The following DLC1 variants were observed in gnomAD, a reference collection of about 807,000 sequenced individuals.
DLC1 encodes the protein rho GTPase-activating protein 7.
A neutral mutation model predicts 140.3 loss-of-function variants in DLC1; 54 were observed. That is an observed-to-expected ratio of 0.38 (90% CI 0.31 to 0.48). DLC1 has a LOEUF of 0.48. Among genes scored for constraint, DLC1 ranks in the 20% least tolerant of loss-of-function variants. DLC1 has a pLI of 0.96. For missense variants in DLC1, 2,536 were observed against 1,907.0 expected (o/e 1.33, Z -6.14); for synonymous variants, 986 against 728.1 (o/e 1.35, Z -5.70).
chr8:13,128,300 A>G (rs969530234), intron 5 of DLC1, among the ~76,000 whole-genome samples: 2 of 152,214 alleles, frequency 1.3e-5, no homozygotes, highest in Middle Eastern at 3.2e-3. Flanking sequence ...AACGCGGGCC[A>G]GAGTTTTAGA....
At chr8:13,573,526 G>C (rs1350227926) in intron 1 of DLC1, among the ~76,000 whole-genome samples, 1 of 152,104 alleles carries the variant, frequency 6.6e-6, no homozygotes, top group Non-Finnish European at 1.5e-5. Context: ...TCTTTGTTTT[G>C]TTCCTGATCT....
At chr8:13,397,790 G>A (rs1837115002) in intron 3 of DLC1, among the ~76,000 whole-genome samples, 1 of 151,712 alleles carries the variant, frequency 6.6e-6, no homozygotes, top group Non-Finnish European at 1.5e-5. Flanking sequence ...GAGTTATTGT[G>A]CCAGTGCACT....
chr8:13,320,217 A>G (rs1368123069), intron 4 of DLC1, among the ~76,000 whole-genome samples: 2 of 152,164 alleles, frequency 1.3e-5, no homozygotes, highest in African/African-American at 4.8e-5. Flanking sequence ...TCAAATATGA[A>G]CACTAGAATA....
chr8:13,128,238 G>C (rs375175678), intron 5 of DLC1, among the ~76,000 whole-genome samples: 2 of 152,080 alleles, frequency 1.3e-5, no homozygotes, highest in South Asian at 2.1e-4. Context: ...GTTTCCTTTA[G>C]AAATAATATT....
chr8:13,389,583 T>C (rs1264014380), intron 4 of DLC1, among the ~76,000 whole-genome samples: 2 of 152,124 alleles, frequency 1.3e-5, no homozygotes, highest in East Asian at 3.8e-4. Context: ...TTATGAAATA[T>C]ACCTCAGAAA....
rs1554546956 is a variant in DLC1, at chr8:13,579,244, G to GCATA, written c.-126+25289_-126+25292dup. ...AGGAGCTCTAATTGAGGAACAGGGA[G>GCATA]CATATATATATATATATATATATAT... On this transcript the variant is annotated intron_variant, in intron 1 of 1. Transcript: ENST00000631382. Among the ~76,000 whole-genome samples the GCATA allele has an allele frequency of 8.0e-3, 38 of 4,754 alleles. 6 individuals carry two copies. The South Asian group carries it at 0.48, about 60-fold the overall frequency. 3.1% of individuals were successfully genotyped at this position (4,754 alleles called of 152,430 possible). A position where few individuals can be genotyped will look rare whatever the true frequency, so the allele number is the denominator to read the frequency against.
chr8:13,510,774 A>G (rs773923749), intron 1 of DLC1, among the ~76,000 whole-genome samples: 31 of 152,132 alleles, frequency 2.0e-4, no homozygotes, highest in Non-Finnish European at 4.0e-4. Flanking sequence ...CTGGATGCCT[A>G]TGCTTCCTTC....
chr8:13,520,796 C>A (rs575426719), intron 1 of DLC1, among the ~76,000 whole-genome samples: 1 of 151,994 alleles, frequency 6.6e-6, no homozygotes, highest in African/African-American at 2.4e-5. Context: ...CTGTGTGTGC[C>A]CTGCCCATAG....
chr8:13,192,377 G>A (rs1372872556), intron 5 of DLC1, among the ~76,000 whole-genome samples: 1 of 152,194 alleles, frequency 6.6e-6, no homozygotes. Context: ...TGATGAAAGT[G>A]AATATTGACT....
intron 4 of DLC1, among the ~76,000 whole-genome samples, chr8:13,329,036 A>G (rs191348691): frequency 1.3e-5 from 2 of 152,314 alleles, no homozygotes; most frequent in East Asian, 3.9e-4. Context: ...AAAGACATTT[A>G]TTCATTGAAT....
upstream of DLC1, among the ~76,000 whole-genome samples, chr8:13,516,526 T>G (rs537169914): frequency 6.6e-5 from 10 of 152,330 alleles, no homozygotes; most frequent in African/African-American, 2.2e-4. Flanking sequence ...ATGCAAATCA[T>G]GAACCATATT....
At chr8:13,427,819 T>C (rs1838661262) in intron 2 of DLC1, among the ~76,000 whole-genome samples, 2 of 152,218 alleles carry the variant, frequency 1.3e-5, no homozygotes, top group African/African-American at 4.8e-5. Context: ...CCTTCTACAA[T>C]TTCTGCCTCA....
intron 2 of DLC1, among the ~76,000 whole-genome samples, chr8:13,423,612 C>T (rs1218483939): frequency 6.6e-6 from 1 of 152,066 alleles, no homozygotes; most frequent in African/African-American, 2.4e-5. Context: ...TAGGCATTTC[C>T]TAAACATTCT....
chr8:13,580,121 A>ATTTATTTT (rs60186436), intron 1 of DLC1, among the ~76,000 whole-genome samples: 14,855 of 150,446 alleles, frequency 0.099, 884 homozygotes, highest in Admixed American at 0.18. Flanking sequence ...AGTTGGTTAC[A>ATTTATTTT]TTTATTTTTT....
intron 1 of DLC1, among the ~76,000 whole-genome samples, chr8:13,541,834 C>A (rs531720184): frequency 9.8e-5 from 15 of 152,334 alleles, no homozygotes; most frequent in Non-Finnish European, 2.1e-4. Flanking sequence ...CAGGCATGAA[C>A]CACCTCACCC....
chr8:13,215,768 T>C, intron 5 of DLC1, among the ~76,000 whole-genome samples: 1 of 152,190 alleles, frequency 6.6e-6, no homozygotes, highest in Non-Finnish European at 1.5e-5. Flanking sequence ...TATAAAATAT[T>C]AAACACCCAG....
chr8:13,428,487 C>G (rs1172559431), intron 2 of DLC1, among the ~76,000 whole-genome samples: 2 of 152,060 alleles, frequency 1.3e-5, no homozygotes, highest in African/African-American at 4.8e-5. Context: ...TTGAGAGCTC[C>G]TAAAGAAGAA....
At position 13,464,747 on chromosome 8, in the gene DLC1, TA is replaced by T. The variant is rs1355224679; in HGVS notation, c.1023+34301del. Among the ~76,000 whole-genome samples, 179 of 60,516 alleles carry T rather than the reference TA, an allele frequency of 3.0e-3. 1 individual carries two copies. Among genetic ancestry groups the T allele is most frequent in the Middle Eastern group, 8.2e-3 (1 of 122 alleles). 39.7% of individuals were successfully genotyped at this position (60,516 alleles called of 152,430 possible). On this transcript the variant is annotated intron_variant, in intron 2 of 17. Coordinates refer to ENST00000276297, the MANE Select transcript of DLC1 (RefSeq NM_182643.3). ...TTTTAAAAAATATAGAATTTTAAAT[TA>T]TATATATATATATATATTTATATAT...
intron 5 of DLC1, chr8:13,304,587 C>G: frequency 1.3e-6 from 1 of 754,956 alleles, no homozygotes; most frequent in Non-Finnish European, 1.6e-6. Context: ...TCACAAATGT[C>G]TACAAACTAA....
Sources: allele counts gnomAD v4.1 joint callset (sites outside exome capture counted in the v4.1 genomes callset), GRCh38; gene constraint gnomAD v4.1.1; transcripts MANE v1.5; gene names NCBI Gene and HGNC (gene_info 2026-07-23, HGNC 2026-07-21).